Variants in LRRC7 observed in about 807,000 individuals in gnomAD.
LRRC7 encodes leucine-rich repeat-containing protein 7.
LRRC7 carries 23 observed loss-of-function variants against 175.7 expected under a neutral mutation model. That is an observed-to-expected ratio of 0.13 (90% CI 0.09 to 0.19). LRRC7 has a LOEUF of 0.19. Ranked by LOEUF, LRRC7 falls within the 10% of genes least tolerant of loss-of-function variation. The probability of loss-of-function intolerance (pLI) is 1.00; values close to 1 mark genes in which losing one functional copy is unlikely to be tolerated. For synonymous variants in LRRC7, 685 were observed against 680.9 expected (o/e 1.01, Z -0.09); for missense variants, 1,354 against 1,904.7 (o/e 0.71, Z 5.38).
chr1:69,822,968 A>T (rs1245355407), intron 4 of LRRC7, among the ~76,000 whole-genome samples: 1 of 152,158 alleles, frequency 6.6e-6, no homozygotes, highest in Non-Finnish European at 1.5e-5. Flanking sequence ...TAGTTTTGGA[A>T]TATTAGTTTG....
At chr1:69,877,488 C>A (rs72676819) in intron 7 of LRRC7, among the ~76,000 whole-genome samples, 2,496 of 152,086 alleles carry the variant, frequency 0.016, 33 homozygotes, top group Non-Finnish European at 0.023. Context: ...TTAAAAAAAA[C>A]CAGTTTTATT....
chr1:69,759,950 T>C (rs1236954845), intron 2 of LRRC7, among the ~76,000 whole-genome samples: 1 of 152,004 alleles, frequency 6.6e-6, no homozygotes, highest in African/African-American at 2.4e-5. Flanking sequence ...TGTGTGATGA[T>C]GGGAAATCTC....
chr1:70,093,649 C>A (rs1014161090), intron 25 of LRRC7, among the ~76,000 whole-genome samples: 2 of 151,896 alleles, frequency 1.3e-5, no homozygotes, highest in Non-Finnish European at 2.9e-5. Context: ...TTTTTTTCAA[C>A]AAGTCCTTGG....
chr1:69,757,005 A>T (rs1670504667), intron 2 of LRRC7, among the ~76,000 whole-genome samples: 1 of 151,980 alleles, frequency 6.6e-6, no homozygotes, highest in Non-Finnish European at 1.5e-5. Context: ...GTTGAAAGTT[A>T]TTATGTGTGG....
At chr1:69,884,552 C>T (rs1236387482) in intron 7 of LRRC7, among the ~76,000 whole-genome samples, 5 of 138,314 alleles carry the variant, frequency 3.6e-5, no homozygotes, top group South Asian at 4.6e-4. Context: ...ACAATCATGT[C>T]GTCTGCAAAC....
At chr1:70,086,680 A>G (rs1663636080) in intron 24 of LRRC7, among the ~76,000 whole-genome samples, 1 of 152,162 alleles carries the variant, frequency 6.6e-6, no homozygotes, top group African/African-American at 2.4e-5. Context: ...CAGAGGCTGC[A>G]GTGAGCCAAA....
intron 7 of LRRC7, among the ~76,000 whole-genome samples, chr1:69,868,935 A>C (rs748791694): frequency 6.6e-6 from 1 of 151,274 alleles, no homozygotes; most frequent in African/African-American, 2.4e-5. Flanking sequence ...ATATATATAT[A>C]TATCTTAATC....
chr1:69,937,313 T>G (rs1648146307), intron 8 of LRRC7, among the ~76,000 whole-genome samples: 1 of 152,166 alleles, frequency 6.6e-6, no homozygotes, highest in African/African-American at 2.4e-5. Context: ...GTATAGATAT[T>G]CTTTATCAGG....
At chr1:69,714,540 G>T (rs1025059529) in intron 2 of LRRC7, among the ~76,000 whole-genome samples, 1 of 152,172 alleles carries the variant, frequency 6.6e-6, no homozygotes, top group Non-Finnish European at 1.5e-5. Flanking sequence ...CTTCCTGGAA[G>T]AGGAAGCTCA....
intron 24 of LRRC7, among the ~76,000 whole-genome samples, chr1:70,085,542 C>G (rs530768474): frequency 6.6e-6 from 1 of 152,074 alleles, no homozygotes; most frequent in Non-Finnish European, 1.5e-5. Flanking sequence ...TAATTGCTGT[C>G]CCCTTTGCTT....
rs199590476 is a variant in LRRC7 at position 70,021,102 on chromosome 1, A to T, written c.1518A>T (p.Glu506Asp). 1.9e-6 allele frequency: 3 copies of T among 1,612,422 alleles called. No individual in the cohort carries two copies. Among genetic ancestry groups the T allele is most frequent in the African/African-American group, 2.7e-5 (2 of 75,000 alleles). Residue 506 changes from glutamate to aspartate, a missense_variant, in exon 16 of 27, where the codon GAA (glutamate) becomes GAT (aspartate). Transcript: ENST00000651989. ...TVAFEFEDKK[E>D]DDENAGKVKD... ...CCTTTGAATTTGAAGACAAAAAAGA[A>T]GATGACGAAAATGCTGGGAAAGTTA...
chr1:70,076,320 C>T (rs1055994386), intron 24 of LRRC7, 22 bp downstream of exon 24: 1 of 1,606,708 alleles, frequency 6.2e-7, no homozygotes, highest in Non-Finnish European at 8.5e-7. Context: ...TTCTTTATTA[C>T]TGAAAAATCT....
intron 7 of LRRC7, among the ~76,000 whole-genome samples, chr1:69,886,643 A>C (rs1214602166): frequency 6.8e-6 from 1 of 147,608 alleles, no homozygotes; most frequent in Non-Finnish European, 1.5e-5. Flanking sequence ...GTTATGTGTG[A>C]ATTTGATCCT....
intron 8 of LRRC7, among the ~76,000 whole-genome samples, chr1:69,939,554 T>C (rs1318048443): frequency 6.6e-6 from 1 of 152,144 alleles, no homozygotes; most frequent in Non-Finnish European, 1.5e-5. Flanking sequence ...AAAATGGCAG[T>C]GTGGCTAACC....
At chr1:69,729,974 C>T (rs977917295) in intron 2 of LRRC7, among the ~76,000 whole-genome samples, 4 of 152,230 alleles carry the variant, frequency 2.6e-5, no homozygotes, top group African/African-American at 9.6e-5. Flanking sequence ...TAGGCACCTG[C>T]AGGCTCAACA....
intron 4 of LRRC7, among the ~76,000 whole-genome samples, chr1:69,806,600 A>G (rs1030690021): frequency 6.6e-6 from 1 of 152,000 alleles, no homozygotes; most frequent in Middle Eastern, 3.4e-3. Context: ...TGCACTTCCT[A>G]CTCAATAGAG....
chr1:70,035,010 TTA>T (rs1386644690), intron 18 of LRRC7, among the ~76,000 whole-genome samples: 1 of 152,162 alleles, frequency 6.6e-6, no homozygotes. Flanking sequence ...TACCAACCGA[TTA>T]GTTTTAAGAC....
chr1:69,605,258 G>A lies in LRRC7; in HGVS notation c.2+36617G>A, dbSNP rs543415809. On this transcript the variant is annotated intron_variant, in intron 1 of 26. Coordinates refer to ENST00000651989, the MANE Select transcript of LRRC7 (RefSeq NM_001370785.2). Reference sequence around the variant, plus strand: ...AGCTCTCTTGCCTGCTGCTATGTAAGACGTGCCTTTGTTCCTCCTTTGCCT... The same window carrying A: ...AGCTCTCTTGCCTGCTGCTATGTAAAACGTGCCTTTGTTCCTCCTTTGCCT... Among the ~76,000 whole-genome samples the A allele has an allele frequency of 5.3e-5, 8 of 152,302 alleles. No homozygotes were observed. In the South Asian group the frequency reaches 1.7e-3, roughly 32 times the overall value.
chr1:69,903,304 C>T (rs911463117), intron 7 of LRRC7, among the ~76,000 whole-genome samples: 12 of 152,150 alleles, frequency 7.9e-5, no homozygotes, highest in African/African-American at 2.9e-4. Flanking sequence ...ACTGGTTAGA[C>T]AGTGGTTGCA....
Sources: allele counts gnomAD v4.1 joint callset (sites outside exome capture counted in the v4.1 genomes callset), GRCh38; gene constraint gnomAD v4.1.1; transcripts MANE v1.5; gene names NCBI Gene and HGNC (gene_info 2026-07-23, HGNC 2026-07-21).